Variants in SLC16A6 observed in about 807,000 individuals in gnomAD.
SLC16A6 encodes solute carrier family 16 member 6, also known as monocarboxylate transporter 7.
SLC16A6 carries 15 observed loss-of-function variants against 33.8 expected under a neutral mutation model. The ratio of observed to expected loss-of-function variants is 0.44; its 90% CI spans 0.30 to 0.68. SLC16A6 has a LOEUF of 0.68. SLC16A6 is among the 30% of genes least tolerant of loss of function. The pLI is 0.10. For missense variants in SLC16A6, 451 were observed against 661.5 expected (o/e 0.68, Z 3.49); for synonymous variants, 219 against 248.4 (o/e 0.88, Z 1.11).
chr17:68,273,446 G>A (rs1280113114), intron 3 of SLC16A6, among the ~76,000 whole-genome samples: 3 of 152,000 alleles, frequency 2.0e-5, no homozygotes, highest in Non-Finnish European at 2.9e-5. Flanking sequence ...GTCTCAAACT[G>A]CTGGGCTCAC....
At chr17:68,283,088 CTG>C (rs71142161) in intron 1 of SLC16A6, 35,139 of 151,894 alleles carry the variant, frequency 0.23, 4,412 homozygotes, top group African/African-American at 0.31. Context: ...GATCACACTA[CTG>C]CACTCTTGCC....
intron 2 of SLC16A6, among the ~76,000 whole-genome samples, chr17:68,275,780 G>C (rs2075495520): frequency 6.6e-6 from 1 of 151,992 alleles, no homozygotes; most frequent in Admixed American, 6.6e-5. Flanking sequence ...AGGAGTTAGA[G>C]ACTAGCCTGG....
chr17:68,277,157 A>G (rs1341069430), intron 2 of SLC16A6, among the ~76,000 whole-genome samples: 1 of 151,866 alleles, frequency 6.6e-6, no homozygotes, highest in Non-Finnish European at 1.5e-5. Context: ...TTTGAGATGG[A>G]GTCTCACACT....
intron 5 of SLC16A6, among the ~76,000 whole-genome samples, chr17:68,270,425 G>A (rs1194622422): frequency 6.6e-6 from 1 of 152,024 alleles, no homozygotes; most frequent in Non-Finnish European, 1.5e-5. Context: ...GTGGTGGTGG[G>A]TGCCTGTAGT....
In SLC16A6 at chr17:68,272,670, T is replaced by G; in HGVS notation, c.474A>C (p.Gly158=). ...RSIVTAVAST[G]ECFAVFAFAP... ...CGAAAGCAAACACAGCGAAACATTC[T>G]CCTGTGGAAGCAACTGCAGTGACTA... is the stretch of plus-strand genomic sequence containing the variant. Residue 158 remains glycine (G), a synonymous_variant, in exon 4 of 6, where the codon GGA becomes GGC. Coordinates refer to ENST00000580666, the MANE Select transcript of SLC16A6 (RefSeq NM_004694.5). The G allele has an allele frequency of 6.2e-7, 1 of 1,614,154 alleles. No individual in the cohort carries two copies. The highest frequency in any genetic ancestry group is 8.5e-7 in the Non-Finnish European group (1 of 1,180,004).
chr17:68,269,692 A>G (rs1487114358), intron 5 of SLC16A6, among the ~76,000 whole-genome samples: 1 of 20,368 alleles, frequency 4.9e-5, no homozygotes, highest in Admixed American at 6.0e-4. Flanking sequence ...TTTTTTTTTT[A>G]GACAGAGTTT....
chr17:68,278,086 A>G lies in SLC16A6; in HGVS notation c.232+3T>C. 6.2e-7 allele frequency: 1 copy of G among 1,608,268 alleles called. No homozygotes were observed. The highest frequency in any genetic ancestry group is 8.5e-7 in the Non-Finnish European group (1 of 1,174,916). ...TCATGGTTAGGCCGAAAGATGTACT[A>G]ACCTGAAAATGTTAAGACAAACACA... On this transcript the variant is annotated splice_donor_region_variant and intron_variant, in intron 2 of 5. Transcript: ENST00000580666.
chr17:68,272,503 G>T lies in SLC16A6; in HGVS notation c.505+136C>A, dbSNP rs576912207. 2.3e-5 allele frequency: 23 copies of T among 1,021,250 alleles called. 1 individual carries two copies. The East Asian group carries it at 5.8e-4, about 26-fold the overall frequency. 63.3% of individuals were successfully genotyped at this position (1,021,250 alleles called of 1,614,324 possible). A position where few individuals can be genotyped will look rare whatever the true frequency, so the allele number is the denominator to read the frequency against. On this transcript the variant is annotated intron_variant, in intron 4 of 5. Transcript: ENST00000580666. ...GAGGACAGATCCTAAAAATGAGCTG[G>T]AGAAGAGACGTAAATAACGTCTCAT...
chr17:68,271,695 A>G lies in SLC16A6; in HGVS notation c.506-41T>C, dbSNP rs9910901. On this transcript the variant is annotated intron_variant, in intron 4 of 5. Coordinates refer to ENST00000580666, the MANE Select transcript of SLC16A6 (RefSeq NM_004694.5). The surrounding 1 kb of genome is among the most constrained non-coding windows in gnomAD (Gnocchi z 5.3). Reference sequence around the variant, plus strand: ...GTGAAGAAGAAATAATATAAGGTCAATAATGGACTCAAGACCCAGGAGAAG... The same window carrying G: ...GTGAAGAAGAAATAATATAAGGTCAGTAATGGACTCAAGACCCAGGAGAAG... 0.011 allele frequency: 16,516 copies of G among 1,524,302 alleles called. 1,370 individuals carry two copies. In the African/African-American group the frequency reaches 0.19, roughly 18 times the overall value. 94.4% of individuals were successfully genotyped at this position (1,524,302 alleles called of 1,614,324 possible).
chr17:68,267,953 C>G lies in SLC16A6; in HGVS notation c.*1143G>C, dbSNP rs147753750. Reference sequence around the variant, plus strand: ...TGGTTTTTTCTTTAAATCAGAAATGCTTTAACAATTCTCTGAAATATAATT... The same window carrying G: ...TGGTTTTTTCTTTAAATCAGAAATGGTTTAACAATTCTCTGAAATATAATT... On this transcript the variant is annotated 3_prime_UTR_variant, in exon 6 of 6. Coordinates refer to ENST00000580666, the MANE Select transcript of SLC16A6 (RefSeq NM_004694.5). 77 of 152,246 alleles carry G rather than the reference C, an allele frequency of 5.1e-4. No individual in the cohort carries two copies. The highest frequency in any genetic ancestry group is 1.7e-3 in the African/African-American group (71 of 41,552). 9.4% of individuals were successfully genotyped at this position (152,246 alleles called of 1,614,324 possible).
chr17:68,278,575 C>CG (rs1225263036), intron 1 of SLC16A6, among the ~76,000 whole-genome samples: 1 of 151,634 alleles, frequency 6.6e-6, no homozygotes, highest in Admixed American at 6.6e-5. Context: ...GCTGGGACTA[C>CG]AGGCATGTGC....
chr17:68,272,738 T>C lies in SLC16A6; in HGVS notation c.406A>G (p.Thr136Ala), dbSNP rs782139549. 5.0e-6 allele frequency: 8 copies of C among 1,613,906 alleles called. No homozygotes were observed. The highest frequency in any genetic ancestry group is 5.1e-6 in the Non-Finnish European group (6 of 1,179,974). Residue 136 changes from threonine to alanine, a missense_variant, in exon 4 of 6, where the codon ACT becomes GCT. Transcript: ENST00000580666. Reference sequence around the variant, plus strand: ...AAATATTGTGATAGGATGGTTACAGTTGGGAGAAAACTAAAGCAGTATCCC... The same window carrying C: ...AAATATTGTGATAGGATGGTTACAGCTGGGAGAAAACTAAAGCAGTATCCC... ...GLGYCFSFLP[T>A]VTILSQYFGK...
At chr17:68,278,840 A>T (rs1357883077) in intron 1 of SLC16A6, among the ~76,000 whole-genome samples, 1 of 151,860 alleles carries the variant, frequency 6.6e-6, no homozygotes, top group African/African-American at 2.4e-5. Flanking sequence ...GGCTGGGCTC[A>T]AACTCCTGAC....
chr17:68,269,049 C>T lies in SLC16A6; in HGVS notation c.*47G>A. 6.3e-7 allele frequency: 1 copy of T among 1,589,836 alleles called. No individual in the cohort carries two copies. Among genetic ancestry groups the T allele is most frequent in the Middle Eastern group, 1.7e-4 (1 of 5,956 alleles). ...TCCTTGTGTCCCCGTTGGGCCCACC[C>T]CATCCCTCTCCAGCCAACACAGTGG... On this transcript the variant is annotated 3_prime_UTR_variant, in exon 6 of 6. Coordinates refer to ENST00000580666, the MANE Select transcript of SLC16A6 (RefSeq NM_004694.5).
chr17:68,286,814 T>C (rs2075852728), intron 1 of SLC16A6, among the ~76,000 whole-genome samples: 1 of 152,070 alleles, frequency 6.6e-6, no homozygotes, highest in South Asian at 2.1e-4. Context: ...TTGAATTTAG[T>C]ACTGAATTCT....
In SLC16A6 at chr17:68,271,339, G is replaced by C; in HGVS notation, c.821C>G (p.Pro274Arg). Reference protein sequence around the residue: ...DMQQVLVKTSPRPSEKKAPLL... With the variant: ...DMQQVLVKTSRRPSEKKAPLL... The stretch of plus-strand genomic sequence containing the variant: ...CGGGGCTTTCTTTTCGCTTGGCCTG[G>C]GGCTGGTCTTCACCAGGACCTGCTG... Residue 274 changes from proline (P) to arginine (R), a missense_variant, in exon 5 of 6, where the codon CCC (proline) becomes CGC (arginine). Pro to Arg is a moderately radical substitution (Grantham distance 103, BLOSUM62 -2). Around this residue, in one of 2 missense-constraint regions of SLC16A6, gnomAD observed 405 missense variants for 510.7 expected, o/e 0.79. Coordinates refer to ENST00000580666, the MANE Select transcript of SLC16A6 (RefSeq NM_004694.5). The surrounding 1 kb of genome is among the most constrained non-coding windows in gnomAD (Gnocchi z 5.3). The C allele has an allele frequency of 1.2e-6, 2 of 1,614,230 alleles. No homozygotes were observed. Among genetic ancestry groups the C allele is most frequent in the Non-Finnish European group, 1.7e-6 (2 of 1,180,040 alleles).
At chr17:68,269,691 T>TTTTTTTTTTTAA (rs57001011) in intron 5 of SLC16A6, among the ~76,000 whole-genome samples, 1 of 148,916 alleles carries the variant, frequency 6.7e-6, no homozygotes, top group Non-Finnish European at 1.5e-5. Context: ...TTTTTTTTTT[T>TTTTTTTTTTTAA]AGACAGAGTT....
intron 2 of SLC16A6, 160 bp from the exon 3 acceptor site, chr17:68,274,230 T>C: frequency 3.0e-6 from 2 of 665,828 alleles, no homozygotes; most frequent in African/African-American, 1.8e-5. Flanking sequence ...CTTTGGGAGG[T>C]TGAGGACGGA....
intron 1 of SLC16A6, among the ~76,000 whole-genome samples, chr17:68,279,546 A>G (rs192327416): frequency 1.3e-5 from 2 of 152,292 alleles, no homozygotes; most frequent in East Asian, 3.9e-4. Flanking sequence ...TATGGTGTCT[A>G]AATAAGGTAC....
Sources: allele counts gnomAD v4.1 joint callset (sites outside exome capture counted in the v4.1 genomes callset), GRCh38; gene constraint gnomAD v4.1.1; regional missense constraint gnomAD v4.1.1; non-coding constraint Gnocchi (gnomAD v3.1); transcripts MANE v1.5; gene names NCBI Gene and HGNC (gene_info 2026-07-23, HGNC 2026-07-21).